H2AX: variants seen among roughly 807,000 people sequenced by gnomAD.
H2AX encodes the protein histone H2AX.
Under a neutral mutation model 8.0 loss-of-function variants are expected in H2AX, and 2 were observed. The ratio of observed to expected loss-of-function variants is 0.25; its 90% CI spans 0.10 to 0.79. H2AX has a LOEUF of 0.79. Ranked by LOEUF, H2AX falls within the 30% of genes least tolerant of loss-of-function variation. The pLI is 0.69. For missense variants in H2AX, 105 were observed against 201.0 expected (o/e 0.52, Z 2.89); for synonymous variants, 110 against 102.5 (o/e 1.07, Z -0.44).
chr11:119,094,998 C>T lies in H2AX; in HGVS notation c.397G>A (p.Gly133Ser). 1 of 1,612,702 alleles carries T rather than the reference C, an allele frequency of 6.2e-7. No homozygotes were observed. Among genetic ancestry groups the T allele is most frequent in the Non-Finnish European group, 8.5e-7 (1 of 1,179,456 alleles). ...TGGGAGGCCTGGGTGGCCTTCTTGC[C>T]GCCCGAGGGCGCCTTCGGCCCCACG... ...ATVGPKAPSG[G>S]KKATQASQEY Residue 133 changes from glycine to serine, a missense_variant, in exon 1 of 1, where the codon GGC becomes AGC. Physicochemically the swap from Gly to Ser is moderately conservative, Grantham distance 56. Around this residue, in one of 3 missense-constraint regions of H2AX, gnomAD observed 29 missense variants for 33.9 expected, o/e 0.86. Coordinates refer to ENST00000530167, the MANE Select transcript of H2AX (RefSeq NM_002105.3).
Position 119,094,955 on chromosome 11 carries a change from G to A in H2AX, c.*8C>T, listed in dbSNP as rs1393502300. The A allele has an allele frequency of 6.3e-6, 10 of 1,590,434 alleles. 1 individual carries two copies. The highest frequency in any genetic ancestry group is 3.7e-5 in the Admixed American group (2 of 54,132). On this transcript the variant is annotated 3_prime_UTR_variant, in exon 1 of 1. Transcript: ENST00000530167. ...GAGGCCTGGCGGCCGGCCGCGGCGC[G>A]GGCCCTCTTAGTACTCCTGGGAGGC...
rs1210756059 is a variant in H2AX, at chr11:119,095,005, G to C, written c.390C>G (p.Pro130=). The change falls in exon 1 of 1, where the codon CCC becomes CCG. Residue 130 remains proline, a synonymous_variant. Coordinates refer to ENST00000530167, the MANE Select transcript of H2AX (RefSeq NM_002105.3). ...KTSATVGPKA[P]SGGKKATQAS... is the part of the protein sequence containing the mutation. ...CCTGGGTGGCCTTCTTGCCGCCCGA[G>C]GGCGCCTTCGGCCCCACGGTGGCGC... 1 of 1,612,914 alleles carries C rather than the reference G, an allele frequency of 6.2e-7. No homozygotes were observed.
rs1258638913 is a variant in H2AX, at chr11:119,095,083, G to A, written c.312C>T (p.Ala104=). The change falls in exon 1 of 1, where the codon GCC becomes GCT. Residue 104 remains alanine (A), a synonymous_variant. Coordinates refer to ENST00000530167, the MANE Select transcript of H2AX (RefSeq NM_002105.3). The part of the protein sequence containing the change: ...LNKLLGGVTI[A]QGGVLPNIQA... ...GGATGTTGGGCAGGACGCCTCCCTG[G>A]GCGATCGTCACGCCGCCCAGCAGCT... The A allele has an allele frequency of 2.5e-6, 4 of 1,613,934 alleles. No individual in the cohort carries two copies. Among genetic ancestry groups the A allele is most frequent in the South Asian group, 1.1e-5 (1 of 91,080 alleles).
chr11:119,094,769 G>A lies in H2AX; in HGVS notation c.*194C>T, dbSNP rs1134734. The A allele has an allele frequency of 0.34, 199,395 of 593,862 alleles. 36,199 individuals are homozygous for A. The highest frequency in any genetic ancestry group is 0.48 in the East Asian group (15,220 of 31,572). The allele number at this position is 593,862 out of a possible 1,614,324, so 36.8% of individuals were successfully genotyped here. On this transcript the variant is annotated 3_prime_UTR_variant, in exon 1 of 1. Coordinates refer to ENST00000530167, the MANE Select transcript of H2AX (RefSeq NM_002105.3). The stretch of plus-strand genomic sequence containing the variant: ...GCCGACGCGGCAGGCGGTGCGGGAC[G>A]GGAGCGGGGGCGGGCGGGGACTCGA...
chr11:119,095,447 C>T lies in H2AX; in HGVS notation c.-53G>A. 1 of 1,462,196 alleles carries T rather than the reference C, an allele frequency of 6.8e-7. No homozygotes were observed. The highest frequency in any genetic ancestry group is 9.0e-7 in the Non-Finnish European group (1 of 1,113,240). The allele number at this position is 1,462,196 out of a possible 1,614,324, so 90.6% of individuals were successfully genotyped here. A position where few individuals can be genotyped will look rare whatever the true frequency, so the allele number is the denominator to read the frequency against. Reference sequence around the variant, plus strand: ...ACGGCTCAAACACTAGAACAGACGCCCGCCGCAGTGTAACTGCTGTCGCGC... The same window carrying T: ...ACGGCTCAAACACTAGAACAGACGCTCGCCGCAGTGTAACTGCTGTCGCGC... On this transcript the variant is annotated 5_prime_UTR_variant, in exon 1 of 1. Transcript: ENST00000530167.
Position 119,094,874 on chromosome 11 carries a change from A to T in H2AX, c.*89T>A. On this transcript the variant is annotated 3_prime_UTR_variant, in exon 1 of 1. Transcript: ENST00000530167. ...CTTGCCCCGCAGTCTGAAGCGGCTC[A>T]GCTCTTTCCATGAGGGCGGTGGTGG... 1 of 1,325,182 alleles carries T rather than the reference A, an allele frequency of 7.5e-7. No homozygotes were observed. The highest frequency in any genetic ancestry group is 1.0e-6 in the Non-Finnish European group (1 of 990,804). The allele number at this position is 1,325,182 out of a possible 1,614,324, so 82.1% of individuals were successfully genotyped here. A position where few individuals can be genotyped will look rare whatever the true frequency, so the allele number is the denominator to read the frequency against.
Position 119,095,356 on chromosome 11 carries a change from G to T in H2AX, c.39C>A (p.Ala13=). 1 of 1,588,866 alleles carries T rather than the reference G, an allele frequency of 6.3e-7. No homozygotes were observed. The change falls in exon 1 of 1, where the codon GCC becomes GCA. Residue 13 remains alanine (A), a synonymous_variant. Coordinates refer to ENST00000530167, the MANE Select transcript of H2AX (RefSeq NM_002105.3). ...CGCGCGACGAGCGCGACTTGGCCTT[G>T]GCGCGGGCCTTGCCGCCAGTCTTGC... ...GRGKTGGKAR[A]KAKSRSSRAG... is the part of the protein sequence containing the mutation.
In H2AX at chr11:119,094,885, T is replaced by A. The variant is rs1244170517; in HGVS notation, c.*78A>T. On this transcript the variant is annotated 3_prime_UTR_variant, in exon 1 of 1. Coordinates refer to ENST00000530167, the MANE Select transcript of H2AX (RefSeq NM_002105.3). ...GTCTGAAGCGGCTCAGCTCTTTCCA[T>A]GAGGGCGGTGGTGGCCCTTAAAAGG... 1.5e-5 allele frequency: 21 copies of A among 1,393,178 alleles called. No individual in the cohort carries two copies. Among genetic ancestry groups the A allele is most frequent in the Non-Finnish European group, 1.8e-5 (19 of 1,046,418 alleles). The allele number at this position is 1,393,178 out of a possible 1,614,324, so 86.3% of individuals were successfully genotyped here. A position where few individuals can be genotyped will look rare whatever the true frequency, so the allele number is the denominator to read the frequency against.
rs1224108715 is a variant in H2AX, at chr11:119,094,771, G to A, written c.*192C>T. 1.6e-6 allele frequency: 1 copy of A among 611,572 alleles called. No homozygotes were observed. Among genetic ancestry groups the A allele is most frequent in the Non-Finnish European group, 2.7e-6 (1 of 369,132 alleles). The allele number at this position is 611,572 out of a possible 1,614,324, so 37.9% of individuals were successfully genotyped here. On this transcript the variant is annotated 3_prime_UTR_variant, in exon 1 of 1. Transcript: ENST00000530167. ...CGACGCGGCAGGCGGTGCGGGACGG[G>A]AGCGGGGGCGGGCGGGGACTCGAGG...
rs1181634761 is a variant in H2AX at position 119,095,096 on chromosome 11, C to A, written c.299G>T (p.Gly100Val). 3 of 1,613,986 alleles carry A rather than the reference C, an allele frequency of 1.9e-6. No homozygotes were observed. Among genetic ancestry groups the A allele is most frequent in the Non-Finnish European group, 2.5e-6 (3 of 1,179,898 alleles). Residue 100 changes from glycine (G) to valine (V), a missense_variant, in exon 1 of 1, where the codon GGC becomes GTC. Gly to Val is a moderately radical substitution (Grantham distance 109). Transcript: ENST00000530167. ...NDEELNKLLG[G>V]VTIAQGGVLP... ...GACGCCTCCCTGGGCGATCGTCACG[C>A]CGCCCAGCAGCTTGTTGAGCTCCTC...
Position 119,095,435 on chromosome 11 carries a change from T to C in H2AX, c.-41A>G, listed in dbSNP as rs1408730294. 1.3e-5 allele frequency: 19 copies of C among 1,460,828 alleles called. No individual in the cohort carries two copies. Among genetic ancestry groups the C allele is most frequent in the South Asian group, 8.5e-5 (6 of 70,344 alleles). The allele number at this position is 1,460,828 out of a possible 1,614,324, so 90.5% of individuals were successfully genotyped here. A position where few individuals can be genotyped will look rare whatever the true frequency, so the allele number is the denominator to read the frequency against. On this transcript the variant is annotated 5_prime_UTR_variant, in exon 1 of 1. Transcript: ENST00000530167. ...CGGTGAAGCACGACGGCTCAAACAC[T>C]AGAACAGACGCCCGCCGCAGTGTAA...
In H2AX at chr11:119,095,413, T is replaced by C. The variant is rs1236642201; in HGVS notation, c.-19A>G. 11 of 1,513,486 alleles carry C rather than the reference T, an allele frequency of 7.3e-6. 1 individual carries two copies. In the South Asian group the frequency reaches 1.4e-4, roughly 20 times the overall value. 93.8% of individuals were successfully genotyped at this position (1,513,486 alleles called of 1,614,324 possible). On this transcript the variant is annotated 5_prime_UTR_variant, in exon 1 of 1. Coordinates refer to ENST00000530167, the MANE Select transcript of H2AX (RefSeq NM_002105.3). The stretch of plus-strand genomic sequence containing the variant: ...CCGACATGCTAGCGAGGTAGACCGG[T>C]GAAGCACGACGGCTCAAACACTAGA...
At position 119,093,876 on chromosome 11, in the gene H2AX, TA is replaced by T. The variant is rs1034109841; in HGVS notation, c.*1086del. On this transcript the variant is annotated 3_prime_UTR_variant, in exon 1 of 1. Transcript: ENST00000530167. ...GCAAAATGAAAACAAACGCTCCATT[TA>T]AAAAAAAAACAATCCTTTAATAAAA... 36 of 153,754 alleles carry T rather than the reference TA, an allele frequency of 2.3e-4. No individual in the cohort carries two copies. The highest frequency in any genetic ancestry group is 1.3e-3 in the South Asian group (7 of 5,230). 9.5% of individuals were successfully genotyped at this position (153,754 alleles called of 1,614,324 possible). A position where few individuals can be genotyped will look rare whatever the true frequency, so the allele number is the denominator to read the frequency against.
Position 119,095,451 on chromosome 11 carries a change from C to G in H2AX, c.-57G>C. On this transcript the variant is annotated 5_prime_UTR_variant, in exon 1 of 1. Coordinates refer to ENST00000530167, the MANE Select transcript of H2AX (RefSeq NM_002105.3). ...CTCAAACACTAGAACAGACGCCCGC[C>G]GCAGTGTAACTGCTGTCGCGCGCGC... 6.9e-7 allele frequency: 1 copy of G among 1,459,084 alleles called. No individual in the cohort carries two copies. The highest frequency in any genetic ancestry group is 1.4e-5 in the South Asian group (1 of 70,464). The allele number at this position is 1,459,084 out of a possible 1,614,324, so 90.4% of individuals were successfully genotyped here. A position where few individuals can be genotyped will look rare whatever the true frequency, so the allele number is the denominator to read the frequency against.
At position 119,094,923 on chromosome 11, in the gene H2AX, G is replaced by A. The variant is rs774730815; in HGVS notation, c.*40C>T. On this transcript the variant is annotated 3_prime_UTR_variant, in exon 1 of 1. Transcript: ENST00000530167. The stretch of plus-strand genomic sequence containing the variant: ...GGCCCTTAAAAGGGCCTTTGTGGTG[G>A]CATGGGGAGGCCTGGCGGCCGGCCG... The A allele has an allele frequency of 1.9e-6, 3 of 1,559,656 alleles. No homozygotes were observed. The highest frequency in any genetic ancestry group is 8.6e-7 in the Non-Finnish European group (1 of 1,156,290).
chr11:119,095,173 G>C lies in H2AX; in HGVS notation c.222C>G (p.Asn74Lys), dbSNP rs780380122. 3.1e-6 allele frequency: 5 copies of C among 1,613,996 alleles called. No homozygotes were observed. Among genetic ancestry groups the C allele is most frequent in the East Asian group, 2.2e-5 (1 of 44,874 alleles). Residue 74 changes from asparagine to lysine, a missense_variant, in exon 1 of 1, where the codon AAC becomes AAG. Around this residue, in one of 3 missense-constraint regions of H2AX, gnomAD observed 55 missense variants for 144.4 expected, o/e 0.38. Transcript: ENST00000530167. Reference protein sequence around the residue: ...LELAGNAARDNKKTRIIPRHL... With the variant: ...LELAGNAARDKKKTRIIPRHL... ...GGCGGGGGATGATTCGCGTCTTCTT[G>C]TTGTCGCGGGCCGCATTGCCCGCCA...
chr11:119,094,651 C>T lies in H2AX; in HGVS notation c.*312G>A. On this transcript the variant is annotated 3_prime_UTR_variant, in exon 1 of 1. Coordinates refer to ENST00000530167, the MANE Select transcript of H2AX (RefSeq NM_002105.3). Reference sequence around the variant, plus strand: ...CCTCCCCCCGGCAGGCTCGGGTCTTCCGCGCCACGGAGGTCCCCGAAGAGC... The same window carrying T: ...CCTCCCCCCGGCAGGCTCGGGTCTTTCGCGCCACGGAGGTCCCCGAAGAGC... 4.3e-6 allele frequency: 1 copy of T among 232,120 alleles called. No homozygotes were observed. Among genetic ancestry groups the T allele is most frequent in the Non-Finnish European group, 8.3e-6 (1 of 120,938 alleles). The allele number at this position is 232,120 out of a possible 1,614,324, so 14.4% of individuals were successfully genotyped here.
rs28990979 is a variant in H2AX, at chr11:119,095,440, C to G, written c.-46G>C. On this transcript the variant is annotated 5_prime_UTR_variant, in exon 1 of 1. Transcript: ENST00000530167. The stretch of plus-strand genomic sequence containing the variant: ...AAGCACGACGGCTCAAACACTAGAA[C>G]AGACGCCCGCCGCAGTGTAACTGCT... The G allele has an allele frequency of 2.4e-3, 3,518 of 1,455,294 alleles. 77 individuals carry two copies. In the African/African-American group the frequency reaches 0.045, roughly 19 times the overall value. 90.1% of individuals were successfully genotyped at this position (1,455,294 alleles called of 1,614,324 possible).
chr11:119,095,226 C>G lies in H2AX; in HGVS notation c.169G>C (p.Glu57Gln), dbSNP rs527807638. ...GAPVYLAAVL[E>Q]YLTAEILELA... ...TCCAGGATCTCAGCGGTGAGGTACTCCAGCACTGCCGCCAGGTACACTGGC... is the reference window on the plus strand; with the variant it reads ...TCCAGGATCTCAGCGGTGAGGTACTGCAGCACTGCCGCCAGGTACACTGGC... Residue 57 changes from glutamate (E) to glutamine (Q), a missense_variant, in exon 1 of 1, where the codon GAG (glutamate) becomes CAG (glutamine). Around this residue, in one of 3 missense-constraint regions of H2AX, gnomAD observed 55 missense variants for 144.4 expected, o/e 0.38. Coordinates refer to ENST00000530167, the MANE Select transcript of H2AX (RefSeq NM_002105.3). The G allele has an allele frequency of 6.2e-7, 1 of 1,613,936 alleles. No homozygotes were observed. The highest frequency in any genetic ancestry group is 1.3e-5 in the African/African-American group (1 of 75,058).
Sources: allele counts gnomAD v4.1 joint callset, GRCh38; gene constraint gnomAD v4.1.1; regional missense constraint gnomAD v4.1.1; transcripts MANE v1.5; gene names NCBI Gene and HGNC (gene_info 2026-07-23, HGNC 2026-07-21).